Variants in PACSIN2 observed in about 807,000 individuals in gnomAD.
PACSIN2 encodes protein kinase C and casein kinase substrate in neurons 2.
PACSIN2 carries 25 observed loss-of-function variants against 63.8 expected under a neutral mutation model. The ratio of observed to expected loss-of-function variants is 0.39; its 90% confidence interval spans 0.29 to 0.55. The LOEUF (loss-of-function observed/expected upper bound fraction) is 0.55, where lower values mean the gene tolerates loss of function less well. Ranked by LOEUF, PACSIN2 falls within the 20% of genes least tolerant of loss-of-function variation. The pLI, the probability that PACSIN2 is intolerant of heterozygous loss-of-function variation, is 0.62. For missense variants in PACSIN2, 518 were observed against 646.9 expected (o/e 0.80, Z 2.16); for synonymous variants, 255 against 256.2 (o/e 1.00, Z 0.05).
chr22:42,943,248 A>C (rs1036743307), intron 1 of PACSIN2, among the ~76,000 whole-genome samples: 3 of 152,324 alleles, frequency 2.0e-5, no homozygotes, highest in South Asian at 4.1e-4. Context: ...TATATCCTAC[A>C]ACCTTGCTGA....
At chr22:42,966,373 A>G (rs1202878093) in intron 1 of PACSIN2, among the ~76,000 whole-genome samples, 1 of 152,136 alleles carries the variant, frequency 6.6e-6, no homozygotes, top group Non-Finnish European at 1.5e-5. Flanking sequence ...AAAAAAAAAA[A>G]AAAGCCACTT....
chr22:43,008,150 T>A (rs1422517393), intron 1 of PACSIN2, among the ~76,000 whole-genome samples: 2 of 152,214 alleles, frequency 1.3e-5, no homozygotes, highest in African/African-American at 4.8e-5. Context: ...CAGAAATACA[T>A]CAGAAGTATT....
intron 1 of PACSIN2, among the ~76,000 whole-genome samples, chr22:43,008,194 TATG>T (rs763380092): frequency 1.3e-4 from 20 of 152,184 alleles, no homozygotes; most frequent in African/African-American, 4.8e-4. Context: ...ACATCTTTAT[TATG>T]ATTATTTTCA....
At chr22:43,010,696 A>C (rs1266590918) in intron 1 of PACSIN2, among the ~76,000 whole-genome samples, 1 of 152,182 alleles carries the variant, frequency 6.6e-6, no homozygotes, top group Non-Finnish European at 1.5e-5. Context: ...CTGGGCAACA[A>C]AGCGAGACTC....
intron 1 of PACSIN2, among the ~76,000 whole-genome samples, chr22:42,914,699 G>C (rs746818664): frequency 2.6e-5 from 4 of 152,216 alleles, no homozygotes; most frequent in Non-Finnish European, 4.4e-5. Context: ...GCCACCAGCT[G>C]GGCTGCCTGG....
At chr22:42,965,793 A>G (rs1920948540) in intron 1 of PACSIN2, among the ~76,000 whole-genome samples, 1 of 152,240 alleles carries the variant, frequency 6.6e-6, no homozygotes, top group South Asian at 2.1e-4. Flanking sequence ...GGCAGGTGTC[A>G]GCAATAGGTT....
rs534550765 is a variant in PACSIN2, at chr22:42,994,422, A to G, written c.-78+20599T>C. 2.0e-5 allele frequency among the ~76,000 whole-genome samples: 3 copies of G among 152,176 alleles called. No individual in the cohort carries two copies. In the South Asian group the frequency reaches 6.2e-4, roughly 32 times the overall value. On this transcript the variant is annotated intron_variant, in intron 1 of 10. Coordinates refer to ENST00000263246, the MANE Select transcript of PACSIN2 (RefSeq NM_001184970.3). ...ATCCAGAGCCGTGTCCTGCGCCACAAAGACCCTCGGGCGTGCTTATGGGGA... is the reference window on the plus strand; with the variant it reads ...ATCCAGAGCCGTGTCCTGCGCCACAGAGACCCTCGGGCGTGCTTATGGGGA...
At chr22:42,927,251 T>C (rs1239437280) in intron 1 of PACSIN2, among the ~76,000 whole-genome samples, 1 of 99,862 alleles carries the variant, frequency 1.0e-5, no homozygotes, top group Non-Finnish European at 1.7e-5. Flanking sequence ...TTCCAGTTAC[T>C]TTTTTTTTTT....
chr22:42,953,498 G>GT (rs1451856492), intron 1 of PACSIN2, among the ~76,000 whole-genome samples: 1 of 152,130 alleles, frequency 6.6e-6, no homozygotes, highest in African/African-American at 2.4e-5. Flanking sequence ...AAGAAGAAAC[G>GT]TAACAGCATT....
chr22:42,886,278 G>A (rs532999824), intron 5 of PACSIN2, among the ~76,000 whole-genome samples: 8 of 152,302 alleles, frequency 5.3e-5, no homozygotes, highest in Admixed American at 2.0e-4. Context: ...AACAAGAGGC[G>A]GCCTTCACCC....
intron 1 of PACSIN2, among the ~76,000 whole-genome samples, chr22:42,950,169 CTATT>C (rs1177373617): frequency 1.3e-5 from 2 of 151,942 alleles, no homozygotes; most frequent in Non-Finnish European, 2.9e-5. Flanking sequence ...TACGGTATAA[CTATT>C]TACATTGTAT....
chr22:42,916,047 G>A (rs896735159), intron 1 of PACSIN2, among the ~76,000 whole-genome samples: 2 of 152,156 alleles, frequency 1.3e-5, no homozygotes, highest in East Asian at 3.9e-4. Context: ...CGGGAAATCC[G>A]AGCTCTACCA....
chr22:42,991,781 A>C (rs2146904353), intron 1 of PACSIN2, among the ~76,000 whole-genome samples: 1 of 151,210 alleles, frequency 6.6e-6, no homozygotes, highest in South Asian at 2.1e-4. Context: ...CTTTTCAACA[A>C]ATGGTACTGA....
intron 1 of PACSIN2, among the ~76,000 whole-genome samples, chr22:42,941,935 C>T (rs1050414083): frequency 6.6e-6 from 1 of 152,076 alleles, no homozygotes; most frequent in Non-Finnish European, 1.5e-5. Flanking sequence ...GGCCAACACG[C>T]CCAGCTAATT....
intron 1 of PACSIN2, among the ~76,000 whole-genome samples, chr22:42,920,923 C>T (rs9611966): frequency 0.034 from 5,199 of 151,524 alleles, 134 homozygotes; most frequent in African/African-American, 0.06. Context: ...CCACCTCGGC[C>T]TCCCCAGTAG....
At chr22:42,900,074 C>A (rs1405479810) in intron 2 of PACSIN2, among the ~76,000 whole-genome samples, 2 of 152,264 alleles carry the variant, frequency 1.3e-5, no homozygotes, top group East Asian at 3.9e-4. Flanking sequence ...CTTTTCCCCA[C>A]GCAGGCTTCC....
chr22:42,996,437 C>A (rs1923405770), intron 1 of PACSIN2, among the ~76,000 whole-genome samples: 1 of 149,222 alleles, frequency 6.7e-6, no homozygotes, highest in Non-Finnish European at 1.5e-5. Flanking sequence ...AAGGCTGAGG[C>A]AGGAGAATCG....
chr22:42,907,618 C>T (rs926446019), intron 2 of PACSIN2, among the ~76,000 whole-genome samples: 1 of 152,242 alleles, frequency 6.6e-6, no homozygotes, highest in African/African-American at 2.4e-5. Flanking sequence ...TGCGTGGAGG[C>T]GGCTGGGCAG....
chr22:42,928,190 G>A (rs1251329803), intron 1 of PACSIN2, among the ~76,000 whole-genome samples: 1 of 152,214 alleles, frequency 6.6e-6, no homozygotes, highest in African/African-American at 2.4e-5. Context: ...GAACACACCC[G>A]GAGAGGCATA....
Sources: gnomAD v4.1 joint callset for allele counts (sites outside exome capture counted in the v4.1 genomes callset) on GRCh38, gnomAD v4.1.1 for gene constraint, MANE v1.5 for transcripts, NCBI Gene and HGNC (gene_info 2026-07-23, HGNC 2026-07-21) for gene names.